ERI1: variants seen among roughly 807,000 people sequenced by gnomAD.
ERI1 encodes exoribonuclease 1.
A neutral mutation model predicts 39.7 loss-of-function variants in ERI1; 39 were observed. The ratio of observed to expected loss-of-function variants is 0.98; its 90% CI spans 0.76 to 1.28. The LOEUF (loss-of-function observed/expected upper bound fraction) is 1.28, where lower values mean the gene tolerates loss of function less well. Among genes scored for constraint, ERI1 ranks in the 50% most tolerant of loss-of-function variants. The pLI is 0.00. For missense variants in ERI1, 581 were observed against 416.9 expected (o/e 1.39, Z -3.43); for synonymous variants, 204 against 149.6 (o/e 1.36, Z -2.65).
At chr8:9,027,338 A>G (rs540024468) in intron 6 of ERI1, among the ~76,000 whole-genome samples, 14 of 152,224 alleles carry the variant, frequency 9.2e-5, no homozygotes, top group African/African-American at 2.9e-4. Context: ...CATTTACTAA[A>G]TGAGGTATCA....
At chr8:9,015,083 C>T (rs1817086895) in intron 3 of ERI1, among the ~76,000 whole-genome samples, 1 of 152,082 alleles carries the variant, frequency 6.6e-6, no homozygotes, top group Non-Finnish European at 1.5e-5. Context: ...GTAATCCACC[C>T]CCCTTGGCCT....
chr8:9,098,301 C>T (rs917090828), intron 3 of ERI1, among the ~76,000 whole-genome samples: 1 of 152,132 alleles, frequency 6.6e-6, no homozygotes, highest in Non-Finnish European at 1.5e-5. Context: ...GGGTGGATCA[C>T]CTGAGGTCAG....
At chr8:9,018,724 C>T (rs572250743) in intron 5 of ERI1, among the ~76,000 whole-genome samples, 1 of 152,152 alleles carries the variant, frequency 6.6e-6, no homozygotes, top group Non-Finnish European at 1.5e-5. Flanking sequence ...AAGCCTCTTT[C>T]CTCTCATCCC....
chr8:9,052,272 C>T (rs554956528), intron 3 of ERI1, among the ~76,000 whole-genome samples: 1 of 152,206 alleles, frequency 6.6e-6, no homozygotes, highest in South Asian at 2.1e-4. Context: ...TTCTATTTCT[C>T]TGCTTTCTTC....
chr8:9,039,741 A>G (rs1436668617), intron 3 of ERI1, among the ~76,000 whole-genome samples: 4 of 152,090 alleles, frequency 2.6e-5, no homozygotes, highest in Middle Eastern at 3.4e-3. Context: ...TTTCCTATAG[A>G]ATGTTATCCT....
intron 2 of ERI1, 89 bp downstream of exon 2, chr8:9,008,237 T>G (rs914243604): frequency 1.8e-6 from 2 of 1,138,534 alleles, no homozygotes; most frequent in Non-Finnish European, 2.4e-6. Flanking sequence ...AAATCATCTG[T>G]AATCCTACCG....
At chr8:9,044,409 C>T (rs977693969) in intron 3 of ERI1, among the ~76,000 whole-genome samples, 28 of 152,100 alleles carry the variant, frequency 1.8e-4, no homozygotes, top group Non-Finnish European at 3.4e-4. Flanking sequence ...GGGAAGCCAG[C>T]GACCAGGTCA....
chr8:9,018,608 C>G (rs763766227), intron 5 of ERI1, among the ~76,000 whole-genome samples: 1 of 152,144 alleles, frequency 6.6e-6, no homozygotes, highest in Non-Finnish European at 1.5e-5. Flanking sequence ...GACTAGAACA[C>G]TACAGAAAGT....
At chr8:9,088,400 C>G (rs1383499470) in intron 3 of ERI1, 1 of 152,148 alleles carries the variant, frequency 6.6e-6, no homozygotes, top group Non-Finnish European at 1.5e-5. Context: ...TTACGGTATT[C>G]CGTTAGCTCA....
chr8:9,014,092 CA>C (rs1217375402), intron 3 of ERI1, among the ~76,000 whole-genome samples: 1 of 152,220 alleles, frequency 6.6e-6, no homozygotes, highest in African/African-American at 2.4e-5. Flanking sequence ...ACTCAGAGTA[CA>C]ACCAATATTC....
chr8:9,025,941 T>C (rs1293604256), intron 6 of ERI1, among the ~76,000 whole-genome samples: 3 of 152,188 alleles, frequency 2.0e-5, no homozygotes, highest in African/African-American at 7.2e-5. Flanking sequence ...CATACAGTTT[T>C]GTGGATGAAA....
intron 6 of ERI1, among the ~76,000 whole-genome samples, chr8:9,027,490 G>A (rs1038789749): frequency 2.0e-5 from 3 of 152,086 alleles, no homozygotes; most frequent in African/African-American, 4.8e-5. Flanking sequence ...TAATGTTGAT[G>A]AAGTCTACTT....
Position 9,009,241 on chromosome 8 carries a change from A to G in ERI1, c.287+1093A>G, listed in dbSNP as rs569638512. 4.1e-5 allele frequency: 14 copies of G among 345,352 alleles called. 1 individual carries two copies. In the East Asian group the frequency reaches 4.6e-4, roughly 11 times the overall value. 21.4% of individuals were successfully genotyped at this position (345,352 alleles called of 1,614,324 possible). On this transcript the variant is annotated intron_variant, in intron 2 of 6. Coordinates refer to ENST00000250263, the MANE Select transcript of ERI1 (RefSeq NM_153332.4). Reference sequence around the variant, plus strand: ...TACAGATATGTTCCCCACTTTGGCAATCTCAGTCTTTTGGGAAAACATACA... The same window carrying G: ...TACAGATATGTTCCCCACTTTGGCAGTCTCAGTCTTTTGGGAAAACATACA...
At chr8:9,040,940 C>T (rs984892685) in intron 3 of ERI1, among the ~76,000 whole-genome samples, 10 of 152,140 alleles carry the variant, frequency 6.6e-5, no homozygotes, top group Admixed American at 6.5e-4. Flanking sequence ...GCATTATTCC[C>T]ACCTCGGTCT....
At chr8:9,050,114 G>C (rs143765909) in intron 3 of ERI1, among the ~76,000 whole-genome samples, 157 of 151,560 alleles carry the variant, frequency 1.0e-3, no homozygotes, top group African/African-American at 3.2e-3. Context: ...TTAAGGATAA[G>C]TGAGGTAGAA....
At chr8:9,057,520 TG>T (rs1427554583) in intron 3 of ERI1, among the ~76,000 whole-genome samples, 1 of 152,218 alleles carries the variant, frequency 6.6e-6, no homozygotes, top group Non-Finnish European at 1.5e-5. Flanking sequence ...GTGTGTGGTT[TG>T]CAAAACAAGT....
intron 3 of ERI1, among the ~76,000 whole-genome samples, chr8:9,050,803 C>A (rs1448166443): frequency 2.6e-5 from 4 of 152,150 alleles, no homozygotes; most frequent in Admixed American, 6.5e-5. Context: ...GGGCCTCTTC[C>A]TTCTTTATGC....
At position 9,041,397 on chromosome 8, in the gene ERI1, G is replaced by A. The variant is rs189788747; in HGVS notation, n.299+20933G>A. On this transcript the variant is annotated intron_variant and non_coding_transcript_variant, in intron 3 of 3. Coordinates refer to the ERI1 transcript ENST00000518663. ...TTGAGGCATACACGCTCTTCTCATC[G>A]GCACATGGAACATTCTCCAGGGTTG... Among the ~76,000 whole-genome samples, 1,034 of 152,152 alleles carry A rather than the reference G, an allele frequency of 6.8e-3. 48 individuals are homozygous for A. The highest frequency in any genetic ancestry group is 0.059 in the Admixed American group (901 of 15,280).
At chr8:9,007,689 A>G (rs112621680) in intron 1 of ERI1, among the ~76,000 whole-genome samples, 54 of 152,228 alleles carry the variant, frequency 3.5e-4, no homozygotes, top group Admixed American at 1.3e-3. Context: ...GGGGTTCTCT[A>G]TTGAGGTGGT....
Sources: gnomAD v4.1 joint callset for allele counts (sites outside exome capture counted in the v4.1 genomes callset) on GRCh38, gnomAD v4.1.1 for gene constraint, MANE v1.5 for transcripts, NCBI Gene and HGNC (gene_info 2026-07-23, HGNC 2026-07-21) for gene names.